UBE2R2: variants seen among roughly 807,000 people sequenced by gnomAD.
UBE2R2 encodes ubiquitin conjugating enzyme E2 R2, also known as ubiquitin-conjugating enzyme E2 R2.
A neutral mutation model predicts 27.8 loss-of-function variants in UBE2R2; 1 was observed. The ratio of observed to expected loss-of-function variants is 0.04; its 90% CI spans 0.01 to 0.17. The LOEUF (loss-of-function observed/expected upper bound fraction) is 0.17, where lower values mean the gene tolerates loss of function less well. Among genes scored for constraint, UBE2R2 ranks in the 10% least tolerant of loss-of-function variants. The pLI, the probability that UBE2R2 is intolerant of heterozygous loss-of-function variation, is 1.00. For synonymous variants in UBE2R2, 106 were observed against 113.3 expected, an observed-to-expected ratio of 0.94 and a Z score of 0.41; for missense variants, 100 against 291.0, an observed-to-expected ratio of 0.34 and a Z score of 4.78.
intron 1 of UBE2R2, among the ~76,000 whole-genome samples, chr9:33,886,653 T>TAAAA (rs11404304): frequency 3.4e-5 from 4 of 118,702 alleles, no homozygotes; most frequent in East Asian, 2.6e-4. Context: ...GACTCCGTCT[T>TAAAA]AAAAAAAAAA....
At chr9:33,884,084 G>A (rs1013770698) in intron 1 of UBE2R2, among the ~76,000 whole-genome samples, 2 of 151,984 alleles carry the variant, frequency 1.3e-5, no homozygotes, top group Admixed American at 6.6e-5. Context: ...CTTGAGCCCA[G>A]AATGTCAGGG....
intron 1 of UBE2R2, among the ~76,000 whole-genome samples, chr9:33,852,550 G>A (rs1239257842): frequency 6.6e-6 from 1 of 152,170 alleles, no homozygotes; most frequent in Non-Finnish European, 1.5e-5. Flanking sequence ...GAGATTGGGC[G>A]AGGAGAATGC....
chr9:33,817,514 C>T lies in UBE2R2; in HGVS notation c.-244C>T, dbSNP rs1244215504. On this transcript the variant is annotated 5_prime_UTR_variant, in exon 1 of 5. Coordinates refer to ENST00000263228, the MANE Select transcript of UBE2R2 (RefSeq NM_017811.4). ...TAGCGAATTCTCCTAACTCCCTCGA[C>T]CTCTCCTCTCGCCCGGCCCGAGTGT... is the stretch of plus-strand genomic sequence containing the variant. The T allele has an allele frequency of 2.8e-5, 6 of 217,360 alleles. No homozygotes were observed. The highest frequency in any genetic ancestry group is 1.4e-4 in the African/African-American group (6 of 42,802). 13.5% of individuals were successfully genotyped at this position (217,360 alleles called of 1,614,324 possible). A position where few individuals can be genotyped will look rare whatever the true frequency, so the allele number is the denominator to read the frequency against.
chr9:33,857,313 G>T (rs1489359913), intron 1 of UBE2R2, among the ~76,000 whole-genome samples: 4 of 151,182 alleles, frequency 2.6e-5, no homozygotes, highest in South Asian at 2.1e-4. Flanking sequence ...AATTAGTGTT[G>T]ACTTTTATTT....
intron 2 of UBE2R2, among the ~76,000 whole-genome samples, chr9:33,898,711 T>C (rs886068430): frequency 1.4e-4 from 22 of 152,180 alleles, no homozygotes; most frequent in African/African-American, 5.3e-4. Context: ...ACCATGGTTG[T>C]CTTATGCATA....
chr9:33,823,379 A>T (rs576404920), intron 1 of UBE2R2, among the ~76,000 whole-genome samples: 25 of 149,758 alleles, frequency 1.7e-4, no homozygotes, highest in Admixed American at 1.1e-3. Flanking sequence ...GTTGAAAAAA[A>T]ATTTTTTTTT....
At chr9:33,904,490 C>T (rs1822309181) in intron 3 of UBE2R2, among the ~76,000 whole-genome samples, 1 of 152,158 alleles carries the variant, frequency 6.6e-6, no homozygotes, top group African/African-American at 2.4e-5. Flanking sequence ...TTCTCCATAA[C>T]CACGTGTACT....
chr9:33,893,401 T>A (rs563498621), intron 2 of UBE2R2, among the ~76,000 whole-genome samples: 1 of 152,326 alleles, frequency 6.6e-6, no homozygotes, highest in African/African-American at 2.4e-5. Flanking sequence ...AGTACTTCAT[T>A]CCTCTTCATG....
intron 2 of UBE2R2, among the ~76,000 whole-genome samples, chr9:33,897,014 C>T (rs1470931087): frequency 8.4e-6 from 1 of 119,576 alleles, no homozygotes; most frequent in Non-Finnish European, 1.7e-5. Context: ...TAGCATACTT[C>T]TGTGGCCTAA....
intron 1 of UBE2R2, among the ~76,000 whole-genome samples, chr9:33,849,252 C>T (rs1303191516): frequency 2.0e-5 from 3 of 151,902 alleles, no homozygotes; most frequent in Admixed American, 6.6e-5. Context: ...AGCAAAACTT[C>T]GTCTCAAAAA....
chr9:33,820,959 C>T (rs1587420949), intron 1 of UBE2R2, among the ~76,000 whole-genome samples: 1 of 152,248 alleles, frequency 6.6e-6, no homozygotes, highest in South Asian at 2.1e-4. Flanking sequence ...TAGTTTTGGG[C>T]CATATAGATG....
At chr9:33,873,326 C>T (rs1321978956) in intron 1 of UBE2R2, among the ~76,000 whole-genome samples, 1 of 151,824 alleles carries the variant, frequency 6.6e-6, no homozygotes, top group Non-Finnish European at 1.5e-5. Context: ...GGTAAAATGT[C>T]TCCTAGGTCA....
At chr9:33,830,746 G>A (rs1252095258) in intron 1 of UBE2R2, among the ~76,000 whole-genome samples, 2 of 149,984 alleles carry the variant, frequency 1.3e-5, no homozygotes, top group African/African-American at 4.9e-5. Flanking sequence ...CAGCCTGGGG[G>A]ACACAGCAAG....
chr9:33,859,358 T>C (rs936377982), intron 1 of UBE2R2, among the ~76,000 whole-genome samples: 3 of 152,214 alleles, frequency 2.0e-5, no homozygotes, highest in African/African-American at 7.2e-5. Flanking sequence ...ATAGTTTATA[T>C]TGAAATTTGC....
chr9:33,817,840 T>G lies in UBE2R2; in HGVS notation c.83T>G (p.Phe28Cys), dbSNP rs768044164. The change falls in exon 1 of 5, where the codon TTC becomes TGC. Residue 28 changes from phenylalanine to cysteine, a missense_variant. Transcript: ENST00000263228. ...KSLQEEPVEG[F>C]RITLVDESDL... is the part of the protein sequence containing the mutation. The stretch of plus-strand genomic sequence containing the variant: ...CTGCAGGAGGAACCGGTGGAGGGCT[T>G]CCGGATCACCCTGGTGGACGAGTCC... 6.2e-7 allele frequency: 1 copy of G among 1,612,778 alleles called. No homozygotes were observed. The highest frequency in any genetic ancestry group is 8.5e-7 in the Non-Finnish European group (1 of 1,179,342).
chr9:33,816,786 C>T (rs1228901773), upstream of UBE2R2, among the ~76,000 whole-genome samples: 3 of 152,218 alleles, frequency 2.0e-5, no homozygotes, highest in Non-Finnish European at 2.9e-5. Context: ...CCTGGATCCA[C>T]AGTGGGGAGG....
intron 1 of UBE2R2, among the ~76,000 whole-genome samples, chr9:33,884,227 T>TCTCTCTCTCTCTCTCTCTCTCTCTCTCC (rs1821802159): frequency 6.8e-6 from 1 of 146,570 alleles, no homozygotes; most frequent in Non-Finnish European, 1.5e-5. Context: ...TCTCTCTCTC[T>TCTCTCTCTCTCTCTCTCTCTCTCTCTCC]CTCTCTCTTC....
At position 33,833,267 on chromosome 9, in the gene UBE2R2, G is replaced by A. The variant is rs534629400; in HGVS notation, c.177+15333G>A. Among the ~76,000 whole-genome samples, 6 of 152,184 alleles carry A rather than the reference G, an allele frequency of 3.9e-5. No homozygotes were observed. The South Asian group carries it at 6.2e-4, about 16-fold the overall frequency. On this transcript the variant is annotated intron_variant, in intron 1 of 4. Transcript: ENST00000263228. ...TTTTTAGTACAGACGGGGTTTCACC[G>A]TGTTAGCCAGGATGGTCTTGATCTC...
chr9:33,880,630 C>T (rs1334402797), intron 1 of UBE2R2, among the ~76,000 whole-genome samples: 2 of 152,130 alleles, frequency 1.3e-5, no homozygotes, highest in Non-Finnish European at 2.9e-5. Flanking sequence ...CTTCTATATC[C>T]TTACTGAGTT....
Sources: allele counts gnomAD v4.1 joint callset (sites outside exome capture counted in the v4.1 genomes callset), GRCh38; gene constraint gnomAD v4.1.1; transcripts MANE v1.5; gene names NCBI Gene and HGNC (gene_info 2026-07-23, HGNC 2026-07-21).